Variants in CSGALNACT1 observed in about 807,000 individuals in gnomAD.
CSGALNACT1 encodes beta4GalNAcT-1.
A neutral mutation model predicts 51.0 loss-of-function variants in CSGALNACT1; 52 were observed. That is an observed-to-expected ratio of 1.02 (90% CI 0.82 to 1.29). The LOEUF (loss-of-function observed/expected upper bound fraction) is 1.29. Ranked by LOEUF, CSGALNACT1 falls within the 50% of genes most tolerant of loss-of-function variation. The pLI, the probability that CSGALNACT1 is intolerant of heterozygous loss-of-function variation, is 0.00. For missense variants in CSGALNACT1, 935 were observed against 679.2 expected (o/e 1.38, Z -4.19); for synonymous variants, 341 against 254.4 (o/e 1.34, Z -3.24).
At chr8:19,663,797 A>T (rs2058963901) in intron 1 of CSGALNACT1, among the ~76,000 whole-genome samples, 1 of 152,256 alleles carries the variant, frequency 6.6e-6, no homozygotes, top group Admixed American at 6.5e-5. Context: ...AGGCATGAGA[A>T]CAGATAAGAG....
chr8:19,579,571 C>T (rs1281456885), intron 3 of CSGALNACT1, among the ~76,000 whole-genome samples: 1 of 152,148 alleles, frequency 6.6e-6, no homozygotes, highest in African/African-American at 2.4e-5. Flanking sequence ...TAGAGACGGA[C>T]ACATAGGTAT....
chr8:19,693,204 A>G (rs757060517), intron 1 of CSGALNACT1, among the ~76,000 whole-genome samples: 4 of 152,040 alleles, frequency 2.6e-5, no homozygotes, highest in Non-Finnish European at 5.9e-5. Context: ...GAAGCCAGAG[A>G]ATTTCCTCCC....
At chr8:19,600,818 A>G (rs1278903175) in intron 2 of CSGALNACT1, among the ~76,000 whole-genome samples, 1 of 150,154 alleles carries the variant, frequency 6.7e-6, no homozygotes, top group Non-Finnish European at 1.5e-5. Context: ...ATAGTGTGAC[A>G]AAAGTTTTTG....
At chr8:19,470,750 C>G (rs2067948926) in intron 4 of CSGALNACT1, among the ~76,000 whole-genome samples, 1 of 152,090 alleles carries the variant, frequency 6.6e-6, no homozygotes, top group African/African-American at 2.4e-5. Flanking sequence ...CATCAAAATG[C>G]TAACTGAACG....
chr8:19,575,636 T>C (rs965710509), intron 3 of CSGALNACT1, among the ~76,000 whole-genome samples: 4 of 152,246 alleles, frequency 2.6e-5, no homozygotes, highest in Admixed American at 2.6e-4. Flanking sequence ...CTGGGTATTC[T>C]AGGATACTGA....
At chr8:19,428,570 G>A (rs2059143295) in intron 6 of CSGALNACT1, among the ~76,000 whole-genome samples, 1 of 152,124 alleles carries the variant, frequency 6.6e-6, no homozygotes, top group Admixed American at 6.5e-5. Context: ...GACTTCGGTG[G>A]GAACACAGCC....
At chr8:19,669,273 T>C (rs1392700280) in intron 1 of CSGALNACT1, among the ~76,000 whole-genome samples, 6 of 152,202 alleles carry the variant, frequency 3.9e-5, no homozygotes, top group Non-Finnish European at 8.8e-5. Flanking sequence ...ATGACTACCA[T>C]CTATGTTTCT....
At chr8:19,734,624 G>A (rs1172087323) in intron 1 of CSGALNACT1, among the ~76,000 whole-genome samples, 1 of 152,100 alleles carries the variant, frequency 6.6e-6, no homozygotes, top group South Asian at 2.1e-4. Flanking sequence ...ACAAGAAAGA[G>A]AAGAATTCTG....
At chr8:19,642,571 G>C (rs1320696340) in intron 1 of CSGALNACT1, among the ~76,000 whole-genome samples, 2 of 152,098 alleles carry the variant, frequency 1.3e-5, no homozygotes, top group Admixed American at 6.5e-5. Flanking sequence ...AGGAGTTTGA[G>C]ACCAGCCTGG....
intron 4 of CSGALNACT1, among the ~76,000 whole-genome samples, chr8:19,463,009 C>A (rs1034259809): frequency 2.6e-5 from 4 of 152,176 alleles, no homozygotes; most frequent in South Asian, 2.1e-4. Flanking sequence ...CAGTGTCTAA[C>A]GTTCCCTTCA....
chr8:19,684,563 T>G (rs1019821334), upstream of CSGALNACT1, among the ~76,000 whole-genome samples: 6 of 152,062 alleles, frequency 3.9e-5, no homozygotes, highest in African/African-American at 1.4e-4. Flanking sequence ...AACAGATGCC[T>G]CCTCCCCTCC....
At chr8:19,495,310 G>C (rs1398799661) in intron 4 of CSGALNACT1, 1 of 152,186 alleles carries the variant, frequency 6.6e-6, no homozygotes, top group Non-Finnish European at 1.5e-5. Context: ...TTACAAATGG[G>C]TCCTGTTCCA....
intron 4 of CSGALNACT1, among the ~76,000 whole-genome samples, chr8:19,463,216 T>C (rs1252017360): frequency 6.6e-6 from 1 of 152,186 alleles, no homozygotes; most frequent in Non-Finnish European, 1.5e-5. Context: ...CTTTATCCAG[T>C]CCACTGCTGA....
At chr8:19,588,851 C>T (rs1056740792) in intron 3 of CSGALNACT1, among the ~76,000 whole-genome samples, 12 of 152,138 alleles carry the variant, frequency 7.9e-5, no homozygotes, top group African/African-American at 2.4e-4. Flanking sequence ...CCTCTTTTTA[C>T]GTCTCTGAGT....
At chr8:19,664,364 G>T (rs770321580) in intron 1 of CSGALNACT1, among the ~76,000 whole-genome samples, 8 of 152,248 alleles carry the variant, frequency 5.3e-5, no homozygotes, top group East Asian at 1.9e-4. Flanking sequence ...TGCAGAAAAG[G>T]CAACACTTCT....
intron 1 of CSGALNACT1, among the ~76,000 whole-genome samples, chr8:19,615,407 T>C (rs1485351366): frequency 2.6e-5 from 4 of 152,254 alleles, no homozygotes; most frequent in Admixed American, 2.6e-4. Flanking sequence ...GTGACTTCTT[T>C]TGAACCCTCT....
At chr8:19,426,998 T>C (rs1026614413) in intron 6 of CSGALNACT1, among the ~76,000 whole-genome samples, 1 of 152,212 alleles carries the variant, frequency 6.6e-6, no homozygotes, top group African/African-American at 2.4e-5. Flanking sequence ...CAGCTCTAAA[T>C]ACTGAAATCA....
intron 3 of CSGALNACT1, among the ~76,000 whole-genome samples, chr8:19,581,156 C>A (rs1007067289): frequency 1.3e-5 from 2 of 152,132 alleles, no homozygotes; most frequent in African/African-American, 4.8e-5. Context: ...GCTCCATGAA[C>A]CACAATTAGG....
At chr8:19,629,612 A>G (rs1186045162) in intron 1 of CSGALNACT1, among the ~76,000 whole-genome samples, 1 of 152,196 alleles carries the variant, frequency 6.6e-6, no homozygotes, top group Non-Finnish European at 1.5e-5. Flanking sequence ...AGATTTGTGG[A>G]CTTTGACACC....
Sources: allele counts gnomAD v4.1 joint callset (sites outside exome capture counted in the v4.1 genomes callset), GRCh38; gene constraint gnomAD v4.1.1; transcripts MANE v1.5; gene names NCBI Gene and HGNC (gene_info 2026-07-23, HGNC 2026-07-21).